Variants in C11orf97 observed in about 807,000 individuals in gnomAD.
C11orf97 encodes the protein chromosome 11 open reading frame 97.
Under a neutral mutation model 16.2 loss-of-function variants are expected in C11orf97, and 15 were observed. The ratio of observed to expected loss-of-function variants is 0.93; its 90% CI spans 0.62 to 1.43. The LOEUF (loss-of-function observed/expected upper bound fraction) is 1.43. Ranked by LOEUF, C11orf97 falls within the 40% of genes most tolerant of loss-of-function variation. The pLI, the probability that C11orf97 is intolerant of heterozygous loss-of-function variation, is 0.00. For synonymous variants in C11orf97, 61 were observed against 65.7 expected, an observed-to-expected ratio of 0.93 and a Z score of 0.34; for missense variants, 171 against 161.2, an observed-to-expected ratio of 1.06 and a Z score of -0.33.
At chr11:94,519,516 T>C (rs1181145567) in intron 2 of C11orf97, among the ~76,000 whole-genome samples, 2 of 152,238 alleles carry the variant, frequency 1.3e-5, no homozygotes, top group East Asian at 3.8e-4. Flanking sequence ...ACACTAGCTG[T>C]ATGTTGTATT....
chr11:94,524,459 G>T lies in C11orf97; in HGVS notation c.251-3625G>T, dbSNP rs575957439. 1.6e-4 allele frequency among the ~76,000 whole-genome samples: 24 copies of T among 152,122 alleles called. No homozygotes were observed. The South Asian group carries it at 5.0e-3, about 32-fold the overall frequency. On this transcript the variant is annotated intron_variant, in intron 2 of 3. Coordinates refer to ENST00000542198, the MANE Select transcript of C11orf97 (RefSeq NM_001190462.2). ...AAAAAAGAAATGTTACTAGTTTTCT[G>T]TAGGTTCAGTTTCAGTTTAGCCTCC...
At chr11:94,517,521 TA>T in intron 1 of C11orf97, 61 bp from the exon 2 acceptor site, 1 of 956,264 alleles carries the variant, frequency 1.0e-6, no homozygotes, top group African/African-American at 1.7e-5. Context: ...CATGTAGATA[TA>T]ATGGCTAGAA....
chr11:94,528,962 A>G (rs1947719109), intron 3 of C11orf97, among the ~76,000 whole-genome samples: 1 of 152,178 alleles, frequency 6.6e-6, no homozygotes, highest in African/African-American at 2.4e-5. Context: ...GCTATATAGC[A>G]TTGCTTATTC....
intron 2 of C11orf97, among the ~76,000 whole-genome samples, chr11:94,519,201 C>T (rs775977693): frequency 2.6e-5 from 4 of 152,196 alleles, no homozygotes; most frequent in Non-Finnish European, 4.4e-5. Context: ...AGCCACCACG[C>T]CCGGCCCCAC....
intron 2 of C11orf97, among the ~76,000 whole-genome samples, chr11:94,524,367 T>C (rs1450636533): frequency 6.6e-6 from 1 of 152,038 alleles, no homozygotes; most frequent in Non-Finnish European, 1.5e-5. Flanking sequence ...AAACATAAGA[T>C]TATGCCTTCG....
intron 2 of C11orf97, 107 bp from the exon 3 acceptor site, chr11:94,527,976 AC>A: frequency 3.7e-6 from 4 of 1,081,246 alleles, no homozygotes; most frequent in South Asian, 1.8e-5. Context: ...AACCAAATAA[AC>A]CCCCACCCAA....
rs1478559102 is a variant in C11orf97 at position 94,512,589 on chromosome 11, G to A, written c.61G>A (p.Glu21Lys). ...AVVAPKAGREEEQPPPPAGLG... is the reference protein window; with the variant it reads ...AVVAPKAGREKEQPPPPAGLG... ...GGTGGCGCCCAAGGCGGGTCGCGAA[G>A]AGGAGCAGCCTCCTCCGCCAGCAGG... Residue 21 changes from glutamate (E) to lysine (K), a missense_variant, in exon 1 of 4, where the codon GAG becomes AAG. Coordinates refer to ENST00000542198, the MANE Select transcript of C11orf97 (RefSeq NM_001190462.2). The A allele has an allele frequency of 7.8e-7, 1 of 1,289,494 alleles. No individual in the cohort carries two copies. Among genetic ancestry groups the A allele is most frequent in the Non-Finnish European group, 9.8e-7 (1 of 1,018,688 alleles). The allele number at this position is 1,289,494 out of a possible 1,614,324, so 79.9% of individuals were successfully genotyped here.
chr11:94,526,415 G>GT (rs1320302239), intron 2 of C11orf97, among the ~76,000 whole-genome samples: 8 of 152,162 alleles, frequency 5.3e-5, no homozygotes, highest in African/African-American at 1.9e-4. Flanking sequence ...TATTTCAGGT[G>GT]TTTTTCTCTG....
chr11:94,513,226 G>A lies in C11orf97; in HGVS notation c.145+553G>A, dbSNP rs1035797219. Reference sequence around the variant, plus strand: ...AATCCTTTTAGAATCTCATAATTATGGGCTACATTTTAACGCACTGTTCTT... The same window carrying A: ...AATCCTTTTAGAATCTCATAATTATAGGCTACATTTTAACGCACTGTTCTT... On this transcript the variant is annotated intron_variant, in intron 1 of 3. Transcript: ENST00000542198. 2.6e-5 allele frequency among the ~76,000 whole-genome samples: 4 copies of A among 152,088 alleles called. 1 individual carries two copies. Among genetic ancestry groups the A allele is most frequent in the African/African-American group, 9.7e-5 (4 of 41,388 alleles).
In C11orf97 at chr11:94,517,622, A is replaced by T; in HGVS notation, c.185A>T (p.Lys62Met). ...TATTGTGAGCCACATAAGAGAATTAAGGAAGTACTGGAAGAAGAACGTCAT... is the reference window on the plus strand; with the variant it reads ...TATTGTGAGCCACATAAGAGAATTATGGAAGTACTGGAAGAAGAACGTCAT... ...FLYCEPHKRI[K>M]EVLEEERHIK... Residue 62 changes from lysine to methionine, a missense_variant, in exon 2 of 4, where the codon AAG becomes ATG. Lys to Met is a moderately conservative substitution (Grantham distance 95). Transcript: ENST00000542198. 1.3e-6 allele frequency: 2 copies of T among 1,532,656 alleles called. No individual in the cohort carries two copies. Among genetic ancestry groups the T allele is most frequent in the South Asian group, 1.2e-5 (1 of 82,874 alleles). 94.9% of individuals were successfully genotyped at this position (1,532,656 alleles called of 1,614,324 possible).
chr11:94,517,926 G>A lies in C11orf97; in HGVS notation c.250+239G>A, dbSNP rs184266781. ...GCACTTTGGGAGGCCGAGGTGGATGGATCACGAGGTCAGGAGATTGAGACT... is the reference window on the plus strand; with the variant it reads ...GCACTTTGGGAGGCCGAGGTGGATGAATCACGAGGTCAGGAGATTGAGACT... On this transcript the variant is annotated intron_variant, in intron 2 of 3. Coordinates refer to ENST00000542198, the MANE Select transcript of C11orf97 (RefSeq NM_001190462.2). Among the ~76,000 whole-genome samples the A allele has an allele frequency of 2.2e-4, 34 of 152,224 alleles. No homozygotes were observed. The East Asian group carries it at 6.4e-3, about 29-fold the overall frequency.
intron 2 of C11orf97, among the ~76,000 whole-genome samples, chr11:94,523,074 C>G (rs1284371891): frequency 6.6e-6 from 1 of 151,640 alleles, no homozygotes; most frequent in East Asian, 1.9e-4. Flanking sequence ...CAGGTTTTTT[C>G]TTCTCATCGT....
chr11:94,530,225 C>G (rs1947728072), intron 3 of C11orf97, among the ~76,000 whole-genome samples: 1 of 152,190 alleles, frequency 6.6e-6, no homozygotes, highest in African/African-American at 2.4e-5. Context: ...CCTAGTAGCC[C>G]TCGGCCCTCC....
At chr11:94,521,028 C>T (rs1591747690) in intron 2 of C11orf97, among the ~76,000 whole-genome samples, 1 of 152,230 alleles carries the variant, frequency 6.6e-6, no homozygotes, top group Non-Finnish European at 1.5e-5. Flanking sequence ...CTGGAATGTG[C>T]CAAATCCATT....
At chr11:94,516,662 T>G (rs1350018953) in intron 1 of C11orf97, among the ~76,000 whole-genome samples, 1 of 152,138 alleles carries the variant, frequency 6.6e-6, no homozygotes, top group Non-Finnish European at 1.5e-5. Context: ...TTGCAATAAG[T>G]AAAATGAAAG....
intron 2 of C11orf97, among the ~76,000 whole-genome samples, chr11:94,520,685 A>T (rs985978309): frequency 6.6e-6 from 1 of 152,160 alleles, no homozygotes; most frequent in African/African-American, 2.4e-5. Flanking sequence ...CAAACTCCGT[A>T]TCCAGTCTAT....
At position 94,512,635 on chromosome 11, in the gene C11orf97, G is replaced by A; in HGVS notation, c.107G>A (p.Gly36Glu). The change falls in exon 1 of 4, where the codon GGG becomes GAG. Residue 36 changes from glycine (G) to glutamate (E), a missense_variant. Transcript: ENST00000542198. ...PPAGLGCGAR[G>E]EPGRGPLEHG... is the part of the protein sequence containing the mutation. ...GCAGGGCTGGGGTGCGGGGCGCGCGGGGAACCCGGCCGCGGCCCCCTAGAG... is the reference window on the plus strand; with the variant it reads ...GCAGGGCTGGGGTGCGGGGCGCGCGAGGAACCCGGCCGCGGCCCCCTAGAG... The A allele has an allele frequency of 4.8e-6, 6 of 1,256,146 alleles. No homozygotes were observed. The highest frequency in any genetic ancestry group is 6.0e-6 in the Non-Finnish European group (6 of 999,482). 77.8% of individuals were successfully genotyped at this position (1,256,146 alleles called of 1,614,324 possible). A position where few individuals can be genotyped will look rare whatever the true frequency, so the allele number is the denominator to read the frequency against.
intron 1 of C11orf97, among the ~76,000 whole-genome samples, chr11:94,515,081 C>G (rs1206870098): frequency 6.6e-6 from 1 of 152,124 alleles, no homozygotes; most frequent in African/African-American, 2.4e-5. Flanking sequence ...GGATCTATAA[C>G]TGTGCGTTGT....
intron 2 of C11orf97, among the ~76,000 whole-genome samples, chr11:94,520,028 G>A (rs1947645691): frequency 6.6e-6 from 1 of 152,216 alleles, no homozygotes; most frequent in Non-Finnish European, 1.5e-5. Flanking sequence ...AACTTTTAGA[G>A]AATTGTGTGG....
Sources: gnomAD v4.1 joint callset for allele counts (sites outside exome capture counted in the v4.1 genomes callset) on GRCh38, gnomAD v4.1.1 for gene constraint, MANE v1.5 for transcripts, NCBI Gene and HGNC (gene_info 2026-07-23, HGNC 2026-07-21) for gene names.